SCN1A: variants seen among roughly 807,000 people sequenced by gnomAD.
The protein encoded by SCN1A is sodium channel protein type 1 subunit alpha.
SCN1A carries 13 observed loss-of-function variants against 193.7 expected under a neutral mutation model. The observed-to-expected ratio is 0.07, with a 90% CI of 0.04 to 0.11. The LOEUF is 0.11. SCN1A is among the 10% of genes least tolerant of loss of function. The pLI is 1.00. For missense variants in SCN1A, 1,432 were observed against 2,451.1 expected (o/e 0.58, Z 8.78); for synonymous variants, 781 against 843.6 (o/e 0.93, Z 1.29).
intron 23 of SCN1A, among the ~76,000 whole-genome samples, chr2:166,008,113 G>A (rs1484405208): frequency 1.3e-5 from 2 of 151,122 alleles, no homozygotes; most frequent in Non-Finnish European, 1.5e-5. Context: ...AGGATTTTAT[G>A]TCTAAAACTC....
intron 3 of SCN1A, among the ~76,000 whole-genome samples, chr2:166,076,422 G>A (rs1410406279): frequency 5.3e-5 from 8 of 151,968 alleles, no homozygotes; most frequent in Non-Finnish European, 1.0e-4. Flanking sequence ...GACAGTCCAT[G>A]TCTTTGAATA....
intron 2 of SCN1A, among the ~76,000 whole-genome samples, chr2:166,126,688 G>A (rs1005217599): frequency 6.6e-6 from 1 of 152,190 alleles, no homozygotes; most frequent in African/African-American, 2.4e-5. Context: ...TTATAGGTGT[G>A]ATAGCAACAG....
At chr2:165,998,209 A>G (rs1690355758) in intron 25 of SCN1A, 34 bp from the exon 26 acceptor site, 1 of 1,576,366 alleles carries the variant, frequency 6.3e-7, no homozygotes. Context: ...AAATATTACC[A>G]TACATTTTAG....
At chr2:166,137,528 A>G (rs1691910252) in intron 1 of SCN1A, 1 of 152,346 alleles carries the variant, frequency 6.6e-6, no homozygotes, top group Non-Finnish European at 1.5e-5. Context: ...TAAAAATGGG[A>G]TTTTGCTGAC....
chr2:165,985,108 A>G (rs2105394993), downstream of SCN1A: 1 of 152,284 alleles, frequency 6.6e-6, no homozygotes, highest in Non-Finnish European at 1.5e-5. Context: ...AGATTAGAAA[A>G]ACTGATTTTG....
chr2:166,130,609 A>C (rs1164017843), upstream of SCN1A, among the ~76,000 whole-genome samples: 2 of 152,180 alleles, frequency 1.3e-5, no homozygotes, highest in Non-Finnish European at 2.9e-5. Flanking sequence ...TTAATTATAG[A>C]ACAATTTTAT....
intron 10 of SCN1A, 52 bp from the exon 11 acceptor site, chr2:166,047,820 T>C: frequency 6.2e-7 from 1 of 1,610,660 alleles, no homozygotes. Context: ...GCCTTTTTAC[T>C]CTGATACTAT....
intron 4 of SCN1A, chr2:166,059,359 A>G (rs1683039701): frequency 6.6e-6 from 1 of 152,098 alleles, no homozygotes; most frequent in Non-Finnish European, 1.5e-5. Context: ...TTGAATTCTA[A>G]TCCCAATTGA....
At chr2:166,046,599 A>G (rs1697847926) in intron 12 of SCN1A, among the ~76,000 whole-genome samples, 171 bp downstream of exon 12, 1 of 152,210 alleles carries the variant, frequency 6.6e-6, no homozygotes, top group South Asian at 2.1e-4. Flanking sequence ...ATTATTATAC[A>G]CATCTCAAAT....
At position 166,035,939 on chromosome 2, in the gene SCN1A, A is replaced by T. The variant is rs200404199; in HGVS notation, c.3429+109T>A. On this transcript the variant is annotated intron_variant, in intron 19 of 28. Transcript: ENST00000674923. ...GCTTTTGTATTATCATAAAGTAAAA[A>T]AAAAAAAAAATCTTAAGTCAAAACA... The T allele has an allele frequency of 0.03, 24,768 of 818,776 alleles. 218 individuals are homozygous for T. Among genetic ancestry groups the T allele is most frequent in the African/African-American group, 0.061 (2,447 of 40,124 alleles). 50.7% of individuals were successfully genotyped at this position (818,776 alleles called of 1,614,324 possible). A position where few individuals can be genotyped will look rare whatever the true frequency, so the allele number is the denominator to read the frequency against.
At chr2:166,085,623 C>A (rs1686027501) in intron 2 of SCN1A, among the ~76,000 whole-genome samples, 1 of 152,044 alleles carries the variant, frequency 6.6e-6, no homozygotes, top group South Asian at 2.1e-4. Flanking sequence ...AGAAACAGAT[C>A]CAGGAACGGG....
intron 2 of SCN1A, among the ~76,000 whole-genome samples, chr2:166,113,449 A>G (rs1200958211): frequency 1.3e-5 from 2 of 152,134 alleles, no homozygotes; most frequent in African/African-American, 4.8e-5. Context: ...TGACTGTTTT[A>G]CTCTAAGTCC....
Position 166,070,257 on chromosome 2 carries a change from G to T in SCN1A, c.264+3101C>A, listed in dbSNP as rs1453705907. Among the ~76,000 whole-genome samples, 5 of 152,250 alleles carry T rather than the reference G, an allele frequency of 3.3e-5. No homozygotes were observed. The East Asian group carries it at 7.7e-4, about 24-fold the overall frequency. On this transcript the variant is annotated intron_variant, in intron 4 of 28. Transcript: ENST00000674923. ...TAAGCACACCATGTTAGTTTTTAAG[G>T]ATTTCAGCCCTGCAAAAAGCTTCGT...
intron 1 of SCN1A, among the ~76,000 whole-genome samples, chr2:166,134,286 G>A (rs1475663426): frequency 6.6e-6 from 1 of 152,024 alleles, no homozygotes; most frequent in South Asian, 2.1e-4. Context: ...ATACCACAAA[G>A]GTCCATTCAA....
At chr2:166,147,763 C>G (rs1692381485) in intron 1 of SCN1A, among the ~76,000 whole-genome samples, 1 of 152,128 alleles carries the variant, frequency 6.6e-6, no homozygotes, top group African/African-American at 2.4e-5. Flanking sequence ...CAACTAAATA[C>G]AGCATACAAT....
rs1688819051 is a variant in SCN1A at position 165,989,174 on chromosome 2, T to C, written c.*2071A>G. ...TGGGCAAACAATAAAATAAAAAATG[T>C]AATCTTTATTAGTTTTGCACATTTT... On this transcript the variant is annotated 3_prime_UTR_variant, in exon 29 of 29. Coordinates refer to ENST00000674923, the MANE Select transcript of SCN1A (RefSeq NM_001165963.4). 1 of 152,548 alleles carries C rather than the reference T, an allele frequency of 6.6e-6. No individual in the cohort carries two copies. The highest frequency in any genetic ancestry group is 2.4e-5 in the African/African-American group (1 of 41,426). 9.4% of individuals were successfully genotyped at this position (152,548 alleles called of 1,614,324 possible). A position where few individuals can be genotyped will look rare whatever the true frequency, so the allele number is the denominator to read the frequency against.
At chr2:166,050,637 A>ATATATATATATATATG (rs1553548987) in intron 9 of SCN1A, among the ~76,000 whole-genome samples, 5 of 77,176 alleles carry the variant, frequency 6.5e-5, no homozygotes, top group African/African-American at 2.4e-4. Context: ...ATATATATAT[A>ATATATATATATATATG]TGTGTGTATA....
At chr2:166,144,798 C>G (rs5029249) in intron 1 of SCN1A, among the ~76,000 whole-genome samples, 15,364 of 151,318 alleles carry the variant, frequency 0.1, 878 homozygotes, top group Middle Eastern at 0.21. Flanking sequence ...TGCAAAATGA[C>G]AGAGATAATG....
At position 165,992,572 on chromosome 2, in the gene SCN1A, CATAAT is replaced by C. The variant is rs982906192; in HGVS notation, c.4853-155_4853-151del. 3.8e-5 allele frequency: 15 copies of C among 395,234 alleles called. No individual in the cohort carries two copies. The highest frequency in any genetic ancestry group is 1.4e-4 in the Admixed American group (3 of 21,454). The allele number at this position is 395,234 out of a possible 1,614,324, so 24.5% of individuals were successfully genotyped here. ...TATATATAATATATATATAATTGTA[CATAAT>C]ATATTATAAATCTTAATTTTGAAAT... On this transcript the variant is annotated intron_variant, in intron 28 of 28. Coordinates refer to ENST00000674923, the MANE Select transcript of SCN1A (RefSeq NM_001165963.4). The surrounding 1 kb of genome is among the most constrained non-coding windows in gnomAD (Gnocchi z 6.5).
Sources: gnomAD v4.1 joint callset for allele counts (sites outside exome capture counted in the v4.1 genomes callset) on GRCh38, gnomAD v4.1.1 for gene constraint, Gnocchi (gnomAD v3.1) non-coding constraint, MANE v1.5 for transcripts, NCBI Gene and HGNC (gene_info 2026-07-23, HGNC 2026-07-21) for gene names.